WDR70: variants seen among roughly 807,000 people sequenced by gnomAD.
WDR70 encodes the protein WD repeat domain 70.
Under a neutral mutation model 88.6 loss-of-function variants are expected in WDR70, and 53 were observed. That is an observed-to-expected ratio of 0.60 (90% CI 0.48 to 0.75). The LOEUF (loss-of-function observed/expected upper bound fraction) is 0.75, where lower values mean the gene tolerates loss of function less well. Among genes scored for constraint, WDR70 ranks in the 30% least tolerant of loss-of-function variants. WDR70 has a pLI of 0.00. For missense variants in WDR70, 610 were observed against 823.2 expected, an observed-to-expected ratio of 0.74 and a Z score of 3.17; for synonymous variants, 280 against 270.0, an observed-to-expected ratio of 1.04 and a Z score of -0.36.
chr5:37,583,200 G>C (rs1280631088), intron 9 of WDR70, among the ~76,000 whole-genome samples: 1 of 152,156 alleles, frequency 6.6e-6, no homozygotes, highest in South Asian at 2.1e-4. Context: ...GCCAAAGCAG[G>C]TGGATCACGA....
intron 10 of WDR70, among the ~76,000 whole-genome samples, chr5:37,673,535 C>T (rs1272028392): frequency 2.0e-5 from 3 of 149,506 alleles, no homozygotes; most frequent in Admixed American, 1.3e-4. Context: ...ATAAGCATTC[C>T]TTTTTCTCTG....
chr5:37,400,510 T>C (rs1561838023), intron 5 of WDR70, among the ~76,000 whole-genome samples: 1 of 152,008 alleles, frequency 6.6e-6, no homozygotes, highest in Non-Finnish European at 1.5e-5. Context: ...ATAAAAAGAG[T>C]CACCAGAAAG....
chr5:37,507,803 A>G (rs1224735443), intron 8 of WDR70, among the ~76,000 whole-genome samples: 1 of 152,192 alleles, frequency 6.6e-6, no homozygotes, highest in Non-Finnish European at 1.5e-5. Flanking sequence ...GGACTTTAAA[A>G]TATTTTTTGG....
chr5:37,714,537 C>T (rs1747602875), intron 13 of WDR70, among the ~76,000 whole-genome samples: 1 of 152,184 alleles, frequency 6.6e-6, no homozygotes, highest in South Asian at 2.1e-4. Flanking sequence ...GCCCCAGTGC[C>T]CCAGGCTCCT....
chr5:37,743,191 A>G (rs1748535547), intron 17 of WDR70, among the ~76,000 whole-genome samples: 1 of 152,260 alleles, frequency 6.6e-6, no homozygotes, highest in Non-Finnish European at 1.5e-5. Context: ...CTTGAGAGCC[A>G]CACGGGGAAG....
intron 9 of WDR70, among the ~76,000 whole-genome samples, chr5:37,583,773 T>A (rs1196764243): frequency 1.3e-5 from 2 of 152,192 alleles, no homozygotes; most frequent in Non-Finnish European, 2.9e-5. Flanking sequence ...GAGAAAGGAC[T>A]TCATTTCTTT....
chr5:37,486,210 A>G (rs1332148335), intron 8 of WDR70, among the ~76,000 whole-genome samples: 2 of 152,176 alleles, frequency 1.3e-5, no homozygotes, highest in African/African-American at 2.4e-5. Flanking sequence ...AAATTATTAC[A>G]GTATGTTTCA....
At chr5:37,515,385 A>G (rs186258380) in intron 8 of WDR70, among the ~76,000 whole-genome samples, 1 of 152,368 alleles carries the variant, frequency 6.6e-6, no homozygotes, top group Admixed American at 6.5e-5. Context: ...TATGATATGC[A>G]GATAGAAATG....
chr5:37,401,466 C>T (rs1222182874), intron 5 of WDR70, among the ~76,000 whole-genome samples: 3 of 151,948 alleles, frequency 2.0e-5, no homozygotes, highest in Non-Finnish European at 4.4e-5. Flanking sequence ...CAGGCACGCG[C>T]CACTGCACCC....
intron 13 of WDR70, among the ~76,000 whole-genome samples, chr5:37,719,620 C>A (rs1004344981): frequency 1.3e-5 from 2 of 152,076 alleles, no homozygotes; most frequent in African/African-American, 4.8e-5. Context: ...CATTCCTCTT[C>A]AGTGGTACAT....
intron 5 of WDR70, among the ~76,000 whole-genome samples, chr5:37,433,432 C>A (rs60604031): frequency 0.1 from 15,625 of 152,140 alleles, 904 homozygotes; most frequent in African/African-American, 0.15. Context: ...GAATTGTATA[C>A]AGCCTGATTT....
At position 37,381,728 on chromosome 5, in the gene WDR70, A is replaced by T. The variant is rs369370972; in HGVS notation, c.175+43A>T. On this transcript the variant is annotated intron_variant, in intron 3 of 17. Coordinates refer to ENST00000265107, the MANE Select transcript of WDR70 (RefSeq NM_018034.4). Reference sequence around the variant, plus strand: ...TTGTTCTTTTATTGGTTTAAGTACTATGTATACCTCATGCAAGTATATTAA... The same window carrying T: ...TTGTTCTTTTATTGGTTTAAGTACTTTGTATACCTCATGCAAGTATATTAA... 9.9e-5 allele frequency: 155 copies of T among 1,566,934 alleles called. 1 individual carries two copies. The African/African-American group carries it at 1.9e-3, about 19-fold the overall frequency.
intron 3 of WDR70, among the ~76,000 whole-genome samples, chr5:37,383,042 T>G (rs1748482174): frequency 6.6e-6 from 1 of 150,474 alleles, no homozygotes; most frequent in Non-Finnish European, 1.5e-5. Flanking sequence ...TAAAATAAAA[T>G]GGGCGACAAG....
At chr5:37,392,669 G>A (rs1421197255) in intron 4 of WDR70, among the ~76,000 whole-genome samples, 1 of 152,002 alleles carries the variant, frequency 6.6e-6, no homozygotes, top group Non-Finnish European at 1.5e-5. Context: ...TTTTGAGATG[G>A]AATCTCGCTC....
At chr5:37,583,880 A>G (rs1743290736) in intron 9 of WDR70, among the ~76,000 whole-genome samples, 1 of 152,194 alleles carries the variant, frequency 6.6e-6, no homozygotes, top group Non-Finnish European at 1.5e-5. Flanking sequence ...TTTTATAGAT[A>G]TGGAAAATTT....
chr5:37,633,152 G>A (rs998447756), intron 10 of WDR70, among the ~76,000 whole-genome samples: 4 of 152,178 alleles, frequency 2.6e-5, no homozygotes, highest in African/African-American at 9.6e-5. Flanking sequence ...ATCATCTAAC[G>A]AACACATTTC....
chr5:37,587,627 A>G (rs1188458890), intron 9 of WDR70, among the ~76,000 whole-genome samples: 1 of 152,098 alleles, frequency 6.6e-6, no homozygotes, highest in Admixed American at 6.6e-5. Flanking sequence ...TTTTGGAGAA[A>G]AGACACTTTT....
chr5:37,465,823 T>C (rs924296865), intron 7 of WDR70, among the ~76,000 whole-genome samples: 5 of 151,272 alleles, frequency 3.3e-5, no homozygotes, highest in African/African-American at 1.2e-4. Flanking sequence ...TGCAAGAAAC[T>C]GTATGTCAGC....
chr5:37,495,091 T>C (rs1039166906), intron 8 of WDR70, among the ~76,000 whole-genome samples: 1 of 152,230 alleles, frequency 6.6e-6, no homozygotes, highest in Admixed American at 6.5e-5. Context: ...TCTGACCCTT[T>C]AGAAAAAATG....
Sources: gnomAD v4.1 joint callset for allele counts (sites outside exome capture counted in the v4.1 genomes callset) on GRCh38, gnomAD v4.1.1 for gene constraint, MANE v1.5 for transcripts, NCBI Gene and HGNC (gene_info 2026-07-23, HGNC 2026-07-21) for gene names.